Variants in CLTB observed in about 807,000 individuals in gnomAD.
CLTB encodes the protein clathrin light chain B.
Under a neutral mutation model 30.5 loss-of-function variants are expected in CLTB, and 10 were observed. The ratio of observed to expected loss-of-function variants is 0.33; its 90% confidence interval spans 0.20 to 0.56. The LOEUF (loss-of-function observed/expected upper bound fraction) is 0.56, where lower values mean the gene tolerates loss of function less well. CLTB is among the 20% of genes least tolerant of loss of function. The pLI, the probability that CLTB is intolerant of heterozygous loss-of-function variation, is 0.91. For synonymous variants in CLTB, 102 were observed against 120.3 expected, an observed-to-expected ratio of 0.85 and a Z score of 1.00; for missense variants, 261 against 308.3, an observed-to-expected ratio of 0.85 and a Z score of 1.15.
At chr5:176,409,958 C>A (rs568928443) in intron 2 of CLTB, among the ~76,000 whole-genome samples, 2 of 152,286 alleles carry the variant, frequency 1.3e-5, no homozygotes, top group East Asian at 3.9e-4. Flanking sequence ...GAAGGCCTTG[C>A]GCTGCCTTCA....
chr5:176,410,140 T>A (rs926695567), intron 2 of CLTB, 117 bp downstream of exon 2: 3 of 868,740 alleles, frequency 3.5e-6, no homozygotes, highest in Middle Eastern at 2.6e-4. Flanking sequence ...TCCACCCCAA[T>A]GCATCAGACA....
At chr5:176,414,861 T>A (rs1262133038) in intron 1 of CLTB, among the ~76,000 whole-genome samples, 2 of 152,222 alleles carry the variant, frequency 1.3e-5, no homozygotes, top group African/African-American at 4.8e-5. Context: ...AGGAACTGTC[T>A]TATTCATTTC....
intron 1 of CLTB, among the ~76,000 whole-genome samples, chr5:176,414,379 A>G (rs55863614): frequency 0.46 from 69,880 of 151,146 alleles, 16,537 homozygotes; most frequent in African/African-American, 0.57. Flanking sequence ...AAAAGACCCC[A>G]TGCTTCTCAC....
intron 2 of CLTB, among the ~76,000 whole-genome samples, chr5:176,407,003 G>C (rs1400699208): frequency 6.6e-6 from 1 of 152,244 alleles, no homozygotes; most frequent in African/African-American, 2.4e-5. Context: ...TGCCCTGCCT[G>C]TAAGGATTCT....
intron 5 of CLTB, 119 bp downstream of exon 5, chr5:176,396,360 C>G: frequency 1.1e-6 from 1 of 930,012 alleles, no homozygotes; most frequent in South Asian, 1.3e-5. Context: ...GCCTCCTGTT[C>G]TGACCATTGC....
At chr5:176,400,559 T>C (rs2113645766) in intron 2 of CLTB, among the ~76,000 whole-genome samples, 1 of 152,310 alleles carries the variant, frequency 6.6e-6, no homozygotes, top group Admixed American at 6.5e-5. Context: ...CCCTCTGGTC[T>C]GGCAAAGCCT....
chr5:176,409,974 T>C (rs1329800871), intron 2 of CLTB, among the ~76,000 whole-genome samples: 1 of 152,194 alleles, frequency 6.6e-6, no homozygotes, highest in Non-Finnish European at 1.5e-5. Flanking sequence ...CTTCATCTCA[T>C]GCTGCTGTGG....
intron 5 of CLTB, among the ~76,000 whole-genome samples, chr5:176,394,683 C>G (rs557494384): frequency 6.6e-6 from 1 of 152,032 alleles, no homozygotes; most frequent in Non-Finnish European, 1.5e-5. Context: ...GGCATGGTGG[C>G]GGGCACCTGT....
At chr5:176,406,919 T>C (rs1029449565) in intron 2 of CLTB, among the ~76,000 whole-genome samples, 1 of 152,024 alleles carries the variant, frequency 6.6e-6, no homozygotes, top group African/African-American at 2.4e-5. Flanking sequence ...GCACACCGGG[T>C]CGGAGCCCAG....
intron 2 of CLTB, among the ~76,000 whole-genome samples, chr5:176,399,712 G>C (rs941525922): frequency 3.4e-4 from 52 of 152,092 alleles, no homozygotes; most frequent in African/African-American, 1.2e-3. Flanking sequence ...TGGCCAACAT[G>C]GCGAAACCCC....
chr5:176,404,746 C>T (rs1013242588), intron 2 of CLTB, among the ~76,000 whole-genome samples: 1 of 152,214 alleles, frequency 6.6e-6, no homozygotes, highest in Non-Finnish European at 1.5e-5. Context: ...TCTCCTGGCA[C>T]GTCCCTTTGT....
At chr5:176,401,705 C>T (rs1485616906) in intron 2 of CLTB, 1 of 456,236 alleles carries the variant, frequency 2.2e-6, no homozygotes, top group South Asian at 1.5e-5. Context: ...AGCATTTTCA[C>T]AAAACCTCCT....
chr5:176,415,917 G>A (rs926604799), intron 1 of CLTB, among the ~76,000 whole-genome samples: 1 of 152,232 alleles, frequency 6.6e-6, no homozygotes, highest in East Asian at 1.9e-4. Flanking sequence ...CCAGAGCCGG[G>A]CAGTGGGGAA....
chr5:176,397,886 A>ACACACAGCC, intron 3 of CLTB, 44 bp downstream of exon 3: 1 of 1,556,254 alleles, frequency 6.4e-7, no homozygotes, highest in Non-Finnish European at 8.8e-7. Flanking sequence ...ACTCCACCCC[A>ACACACAGCC]CACACAGCCC....
In CLTB at chr5:176,393,000, C is replaced by T; in HGVS notation, c.519-55G>A. 6.2e-7 allele frequency: 1 copy of T among 1,603,398 alleles called. No individual in the cohort carries two copies. The highest frequency in any genetic ancestry group is 8.5e-7 in the Non-Finnish European group (1 of 1,171,464). On this transcript the variant is annotated intron_variant, in intron 5 of 5. Coordinates refer to ENST00000310418, the MANE Select transcript of CLTB (RefSeq NM_007097.5). The surrounding 1 kb of genome is among the most constrained non-coding windows in gnomAD (Gnocchi z 5.2). ...AGCAGTCTGCTTTCCCCCAGCCTTG[C>T]CCTTGAGCAAGGCTGCTTTGCCCAG...
intron 5 of CLTB, among the ~76,000 whole-genome samples, chr5:176,394,778 G>A (rs1756436638): frequency 6.6e-6 from 1 of 151,758 alleles, no homozygotes; most frequent in Non-Finnish European, 1.5e-5. Context: ...TCATGCCACT[G>A]CACTCCAGCC....
rs115198337 is a variant in CLTB, at chr5:176,394,071, G to A, written c.519-1126C>T. ...GCTCATTTCCTAGCCTGTAAAATGAGGATCATAGCTCTGCCCTACCAACTA... is the reference window on the plus strand; with the variant it reads ...GCTCATTTCCTAGCCTGTAAAATGAAGATCATAGCTCTGCCCTACCAACTA... On this transcript the variant is annotated intron_variant, in intron 5 of 5. Coordinates refer to ENST00000310418, the MANE Select transcript of CLTB (RefSeq NM_007097.5). 3.0e-3 allele frequency among the ~76,000 whole-genome samples: 454 copies of A among 152,304 alleles called. 3 individuals are homozygous for A. Among genetic ancestry groups the A allele is most frequent in the African/African-American group, 0.01 (435 of 41,552 alleles).
intron 5 of CLTB, among the ~76,000 whole-genome samples, chr5:176,394,618 T>G (rs962780227): frequency 2.2e-4 from 34 of 151,200 alleles, no homozygotes; most frequent in Non-Finnish European, 2.8e-4. Flanking sequence ...ATGGAGAGCA[T>G]CCTGGCTAAC....
intron 2 of CLTB, chr5:176,407,463 C>G (rs1038118002): frequency 5.9e-5 from 9 of 152,184 alleles, no homozygotes; most frequent in African/African-American, 2.2e-4. Flanking sequence ...ACTACCCTGC[C>G]TAGCCAATTT....
Sources: allele counts gnomAD v4.1 joint callset (sites outside exome capture counted in the v4.1 genomes callset), GRCh38; gene constraint gnomAD v4.1.1; non-coding constraint Gnocchi (gnomAD v3.1); transcripts MANE v1.5; gene names NCBI Gene and HGNC (gene_info 2026-07-23, HGNC 2026-07-21).